Variants in PLXNA1 observed in about 807,000 individuals in gnomAD.
PLXNA1 encodes plexin-A1.
Under a neutral mutation model 191.7 loss-of-function variants are expected in PLXNA1, and 77 were observed. The ratio of observed to expected loss-of-function variants is 0.40; its 90% CI spans 0.33 to 0.49. PLXNA1 has a LOEUF of 0.49. Ranked by LOEUF, PLXNA1 falls within the 20% of genes least tolerant of loss-of-function variation. The pLI, the probability that PLXNA1 is intolerant of heterozygous loss-of-function variation, is 0.63. For missense variants in PLXNA1, 2,110 were observed against 2,660.2 expected, an observed-to-expected ratio of 0.79 and a Z score of 4.55; for synonymous variants, 1,137 against 1,156.4, an observed-to-expected ratio of 0.98 and a Z score of 0.34.
intron 3 of PLXNA1, among the ~76,000 whole-genome samples, chr3:127,002,306 G>T (rs114598562): frequency 1.3e-5 from 2 of 152,204 alleles, no homozygotes; most frequent in African/African-American, 4.8e-5. Context: ...GGGGGTGGCC[G>T]GCGGCGCTCA....
At position 127,032,534 on chromosome 3, in the gene PLXNA1, G is replaced by A. The variant is rs2079216609; in HGVS notation, c.5379G>A (p.Lys1793=). The A allele has an allele frequency of 6.2e-7, 1 of 1,613,968 alleles. No individual in the cohort carries two copies. The highest frequency in any genetic ancestry group is 1.1e-5 in the South Asian group (1 of 91,082). ...SCSTSEHKLG[K]DSPSNKLLYA... ...CCACCTCTGAGCACAAGCTGGGCAA[G>A]GACTCACCCTCCAACAAGCTGCTCT... The change falls in exon 30 of 32, where the codon AAG becomes AAA. Residue 1793 remains lysine, a synonymous_variant. Transcript: ENST00000393409.
chr3:127,003,643 G>C (rs866267648), intron 4 of PLXNA1, among the ~76,000 whole-genome samples, 173 bp downstream of exon 4: 2 of 152,162 alleles, frequency 1.3e-5, no homozygotes, highest in Non-Finnish European at 2.9e-5. Context: ...TTGTGGGCTC[G>C]GCTGGGTCTG....
Position 127,016,645 on chromosome 3 carries a change from C to A in PLXNA1, c.3143C>A (p.Pro1048His). The change falls in exon 16 of 32, where the codon CCC becomes CAC. Residue 1048 changes from proline to histidine, a missense_variant. Pro to His is a moderately conservative substitution (Grantham distance 77). Coordinates refer to ENST00000393409, the MANE Select transcript of PLXNA1 (RefSeq NM_032242.4). ...PEVKYNYTEDPTILRIDPEWS... is the reference protein window; with the variant it reads ...PEVKYNYTEDHTILRIDPEWS... ...GTGAAGTACAACTACACCGAGGACCCCACCATCCTGAGGATCGACCCCGAG... is the reference window on the plus strand; with the variant it reads ...GTGAAGTACAACTACACCGAGGACCACACCATCCTGAGGATCGACCCCGAG... 6.2e-7 allele frequency: 1 copy of A among 1,614,014 alleles called. No individual in the cohort carries two copies. Among genetic ancestry groups the A allele is most frequent in the South Asian group, 1.1e-5 (1 of 91,080 alleles).
At chr3:127,020,449 G>A (rs1204320838) in intron 21 of PLXNA1, 105 bp downstream of exon 21, 6 of 1,388,092 alleles carry the variant, frequency 4.3e-6, no homozygotes, top group African/African-American at 1.4e-5. Flanking sequence ...CAGCCTGTGT[G>A]GCCTGGGGGA....
In PLXNA1 at chr3:127,029,476, C is replaced by T; in HGVS notation, c.4810C>T (p.Gln1604Ter). Residue 1604 changes from glutamine (Q) to a stop codon, truncating the protein, a stop_gained, in exon 27 of 32, where the codon CAG becomes TAG. Transcript: ENST00000393409. LOFTEE classifies it high-confidence loss of function. The part of the protein sequence containing the change: ...DGSSVALVPK[Q>*]TSAYNISNSS... ...GTCCTCGGTGGCACTGGTGCCCAAG[C>T]AGACGTCCGCCTACAACATCTCCAA... The T allele has an allele frequency of 6.2e-7, 1 of 1,613,916 alleles. No individual in the cohort carries two copies. The highest frequency in any genetic ancestry group is 8.5e-7 in the Non-Finnish European group (1 of 1,179,958).
At chr3:127,020,144 TG>T in intron 20 of PLXNA1, 57 bp from the exon 21 acceptor site, 1 of 1,592,362 alleles carries the variant, frequency 6.3e-7, no homozygotes, top group East Asian at 2.2e-5. Flanking sequence ...GTGGGAGGGT[TG>T]GGGCATGGAG....
rs2079116109 is a variant in PLXNA1, at chr3:127,015,068, G to T, written c.2878-116G>T. 5.5e-6 allele frequency: 8 copies of T among 1,448,440 alleles called. No individual in the cohort carries two copies. The South Asian group carries it at 1.1e-4, about 20-fold the overall frequency. The allele number at this position is 1,448,440 out of a possible 1,614,324, so 89.7% of individuals were successfully genotyped here. A position where few individuals can be genotyped will look rare whatever the true frequency, so the allele number is the denominator to read the frequency against. ...GCTCTGAAGTGCAGCTCCCGGGCAT[G>T]CGGGCTCCTAGTCTGGGGAACTGTC... On this transcript the variant is annotated intron_variant, in intron 14 of 31. Transcript: ENST00000393409.
At chr3:126,985,688 G>A (rs2078955276) in intron 1 of PLXNA1, among the ~76,000 whole-genome samples, 1 of 152,214 alleles carries the variant, frequency 6.6e-6, no homozygotes. Flanking sequence ...TGGAATGAAT[G>A]CATTTTTTCC....
In PLXNA1 at chr3:127,020,762, C is replaced by T. The variant is rs543445620; in HGVS notation, c.4038+418C>T. Among the ~76,000 whole-genome samples, 3 of 152,232 alleles carry T rather than the reference C, an allele frequency of 2.0e-5. No homozygotes were observed. The East Asian group carries it at 5.8e-4, about 30-fold the overall frequency. On this transcript the variant is annotated intron_variant, in intron 21 of 31. Transcript: ENST00000393409. ...GGGTCCCGCCTGCGGCTCCACTGGC[C>T]TGGTCTCCTGGGTGGCTCTGGATGC...
At chr3:127,025,229 C>G (rs144740582) in intron 23 of PLXNA1, among the ~76,000 whole-genome samples, 1 of 152,306 alleles carries the variant, frequency 6.6e-6, no homozygotes, top group African/African-American at 2.4e-5. Flanking sequence ...CTTGTCATCT[C>G]TCCCTCCCCC....
intron 21 of PLXNA1, among the ~76,000 whole-genome samples, chr3:127,021,260 T>G (rs1456496181): frequency 1.3e-5 from 2 of 152,200 alleles, no homozygotes; most frequent in Admixed American, 6.5e-5. Flanking sequence ...CCAGGTTGTA[T>G]CTCTCTTTCA....
intron 3 of PLXNA1, among the ~76,000 whole-genome samples, chr3:127,001,695 G>T (rs528941464): frequency 1.3e-5 from 2 of 152,246 alleles, no homozygotes; most frequent in African/African-American, 2.4e-5. Flanking sequence ...GTCTTAAGCC[G>T]CTGGCTTGGA....
chr3:127,011,294 G>C (rs929733183), intron 9 of PLXNA1, among the ~76,000 whole-genome samples: 1 of 152,164 alleles, frequency 6.6e-6, no homozygotes, highest in Non-Finnish European at 1.5e-5. Context: ...GCTGGGCCTT[G>C]TTAACTCTGC....
chr3:127,029,299 A>T, intron 26 of PLXNA1, 141 bp from the exon 27 acceptor site: 2 of 874,552 alleles, frequency 2.3e-6, no homozygotes, highest in Non-Finnish European at 3.8e-6. Context: ...GGCTGTCCTG[A>T]TATAGAGTTC....
Position 127,017,500 on chromosome 3 carries a change from G to A in PLXNA1, c.3352G>A (p.Glu1118Lys), listed in dbSNP as rs267599595. 5 of 1,613,632 alleles carry A rather than the reference G, an allele frequency of 3.1e-6. No homozygotes were observed. In the South Asian group the frequency reaches 4.4e-5, roughly 14 times the overall value. ...SVANPVRSPP[E>K]LGERPDELGF... The stretch of plus-strand genomic sequence containing the variant: ...GGCCAACCCTGTGCGCAGCCCACCA[G>A]AGCTGGGGGAGCGGCCGGATGAGCT... Residue 1118 changes from glutamate to lysine, a missense_variant, in exon 18 of 32, where the codon GAG becomes AAG. Physicochemically the swap from Glu to Lys is moderately conservative, Grantham distance 56. Transcript: ENST00000393409.
At chr3:127,021,278 C>T (rs983240326) in intron 21 of PLXNA1, among the ~76,000 whole-genome samples, 4 of 152,230 alleles carry the variant, frequency 2.6e-5, no homozygotes, top group Non-Finnish European at 5.9e-5. Flanking sequence ...TCAGTGCCTC[C>T]ATTTGCTGTG....
Position 127,012,080 on chromosome 3 carries a change from C to T in PLXNA1, c.2235C>T (p.Leu745=). 1.2e-6 allele frequency: 2 copies of T among 1,613,792 alleles called. No homozygotes were observed. Among genetic ancestry groups the T allele is most frequent in the Admixed American group, 1.7e-5 (1 of 60,034 alleles). ...PQSGQRGYEC[L]FHIPGSPARV... is the part of the protein sequence containing the mutation. ...CAGGCCAGCGTGGATATGAGTGCCTCTTCCACATCCCGGGCAGCCCGGCCC... is the reference window on the plus strand; with the variant it reads ...CAGGCCAGCGTGGATATGAGTGCCTTTTCCACATCCCGGGCAGCCCGGCCC... The change falls in exon 10 of 32, where the codon CTC becomes CTT. Residue 745 remains leucine, a synonymous_variant. Transcript: ENST00000393409.
At chr3:126,998,141 G>A (rs527331255) in intron 3 of PLXNA1, among the ~76,000 whole-genome samples, 172 of 152,314 alleles carry the variant, frequency 1.1e-3, no homozygotes, top group African/African-American at 3.9e-3. Flanking sequence ...GCTCAGAGGT[G>A]CCCCCCGTGG....
At chr3:127,020,846 T>C (rs1212169568) in intron 21 of PLXNA1, among the ~76,000 whole-genome samples, 1 of 152,212 alleles carries the variant, frequency 6.6e-6, no homozygotes, top group Non-Finnish European at 1.5e-5. Flanking sequence ...TGAAGTCTGC[T>C]ATGGCGGTTT....
Sources: allele counts gnomAD v4.1 joint callset (sites outside exome capture counted in the v4.1 genomes callset), GRCh38; gene constraint gnomAD v4.1.1; transcripts MANE v1.5; gene names NCBI Gene and HGNC (gene_info 2026-07-23, HGNC 2026-07-21).